CDCA2: variants seen among roughly 807,000 people sequenced by gnomAD.
CDCA2 encodes cell division cycle associated 2, also known as cell division cycle-associated protein 2.
Under a neutral mutation model 67.0 loss-of-function variants are expected in CDCA2, and 44 were observed. The observed-to-expected ratio is 0.66, with a 90% confidence interval of 0.52 to 0.84. The LOEUF (loss-of-function observed/expected upper bound fraction) is 0.84, where lower values mean the gene tolerates loss of function less well. CDCA2 is among the 40% of genes least tolerant of loss of function. The pLI is 0.00. For synonymous variants in CDCA2, 447 were observed against 418.7 expected (o/e 1.07, Z -0.82); for missense variants, 1,253 against 1,203.2 (o/e 1.04, Z -0.61).
chr8:25,476,518 G>A (rs1279669843), intron 7 of CDCA2, among the ~76,000 whole-genome samples: 1 of 151,848 alleles, frequency 6.6e-6, no homozygotes, highest in Non-Finnish European at 1.5e-5. Context: ...TCTTTCAAAA[G>A]GGTCTCAATG....
At chr8:25,466,055 C>G (rs543568737) in intron 4 of CDCA2, 120 bp from the exon 5 acceptor site, 93 of 823,110 alleles carry the variant, frequency 1.1e-4, no homozygotes, top group Non-Finnish European at 1.6e-4. Flanking sequence ...AACTCCTTAC[C>G]GCTGATCTTC....
chr8:25,487,216 C>T (rs764116725), intron 11 of CDCA2, 30 bp from the exon 12 acceptor site: 1 of 1,494,902 alleles, frequency 6.7e-7, no homozygotes, highest in Non-Finnish European at 9.3e-7. Flanking sequence ...TGGTTTCCTA[C>T]CCTGATTTAG....
chr8:25,502,396 G>C (rs1804515340), intron 13 of CDCA2, among the ~76,000 whole-genome samples: 1 of 151,946 alleles, frequency 6.6e-6, no homozygotes, highest in African/African-American at 2.4e-5. Flanking sequence ...ACGTTACTCA[G>C]AATTGAATGT....
chr8:25,489,466 T>G (rs1020727705), intron 13 of CDCA2, among the ~76,000 whole-genome samples: 37 of 152,292 alleles, frequency 2.4e-4, no homozygotes, highest in African/African-American at 7.7e-4. Context: ...CCGGATCCTT[T>G]TCCTTCCACC....
At chr8:25,481,353 A>G (rs1203087212) in intron 8 of CDCA2, among the ~76,000 whole-genome samples, 1 of 152,162 alleles carries the variant, frequency 6.6e-6, no homozygotes, top group Non-Finnish European at 1.5e-5. Context: ...TTCTAACAAT[A>G]TGACACAGCA....
At chr8:25,466,391 A>C in intron 5 of CDCA2, 66 bp downstream of exon 5, 2 of 1,424,514 alleles carry the variant, frequency 1.4e-6, no homozygotes, top group South Asian at 3.0e-5. Flanking sequence ...TGAGTTATGA[A>C]ATGATTTAGT....
In CDCA2 at chr8:25,506,525, A is replaced by G; in HGVS notation, c.1859A>G (p.Asn620Ser). Residue 620 changes from asparagine to serine, a missense_variant, in exon 15 of 15, where the codon AAT (asparagine) becomes AGT (serine). Transcript: ENST00000330560. Reference protein sequence around the residue: ...RRLGSGYFSSNGKLEEVKTPK... With the variant: ...RRLGSGYFSSSGKLEEVKTPK... ...ATGCCCATAGGTTATTTCAGTTCAA[A>G]TGGCAAACTGGAAGAAGTGAAGACT... is the stretch of plus-strand genomic sequence containing the variant. 4 of 1,572,030 alleles carry G rather than the reference A, an allele frequency of 2.5e-6. No individual in the cohort carries two copies. The highest frequency in any genetic ancestry group is 3.4e-6 in the Non-Finnish European group (4 of 1,166,402).
Position 25,462,096 on chromosome 8 carries a change from C to G in CDCA2, c.275C>G (p.Ala92Gly). 1.9e-6 allele frequency: 3 copies of G among 1,614,162 alleles called. No individual in the cohort carries two copies. In the African/African-American group the frequency reaches 4.0e-5, roughly 22 times the overall value. Reference sequence around the variant, plus strand: ...CTTAAAAAATGTAGACGACGTTCTGCAGTCGGTGCTCGGGGCTCTCCTGAA... The same window carrying G: ...CTTAAAAAATGTAGACGACGTTCTGGAGTCGGTGCTCGGGGCTCTCCTGAA... The part of the protein sequence containing the change: ...SYLKKCRRRS[A>G]VGARGSPETN... The change falls in exon 4 of 15, where the codon GCA becomes GGA. Residue 92 changes from alanine to glycine, a missense_variant. Transcript: ENST00000330560.
In CDCA2 at chr8:25,479,879, T is replaced by G. The variant is rs181590384; in HGVS notation, c.821-34T>G. The G allele has an allele frequency of 1.4e-3, 2,296 of 1,593,152 alleles. 1 individual carries two copies. The highest frequency in any genetic ancestry group is 1.8e-3 in the Non-Finnish European group (2,078 of 1,161,106). On this transcript the variant is annotated intron_variant, in intron 7 of 14. Coordinates refer to ENST00000330560, the MANE Select transcript of CDCA2 (RefSeq NM_152562.4). ...CTAGAACAAACAGATTTAAGAGATCTTCTGCCTCTCAAGTTTACATGTTTA... is the reference window on the plus strand; with the variant it reads ...CTAGAACAAACAGATTTAAGAGATCGTCTGCCTCTCAAGTTTACATGTTTA...
rs1802586526 is a variant in CDCA2 at position 25,459,475 on chromosome 8, T to C, written c.-1+2T>C. On this transcript the variant is annotated splice_donor_variant, in intron 1 of 14. Coordinates refer to ENST00000330560, the MANE Select transcript of CDCA2 (RefSeq NM_152562.4). LOFTEE classifies it low-confidence loss of function (5UTR_SPLICE). ...GGGCCTTCAGGTGCGGCGTGAGAGG[T>C]AGGATTGCATCCGCGCTGCCACGGG... The C allele has an allele frequency of 6.6e-6, 1 of 152,044 alleles. No individual in the cohort carries two copies. The highest frequency in any genetic ancestry group is 2.4e-5 in the African/African-American group (1 of 41,328). 9.4% of individuals were successfully genotyped at this position (152,044 alleles called of 1,614,324 possible).
chr8:25,492,421 G>T lies in CDCA2; in HGVS notation c.1671+3732G>T, dbSNP rs147852583. On this transcript the variant is annotated intron_variant, in intron 13 of 14. Transcript: ENST00000330560. Reference sequence around the variant, plus strand: ...AGAAGAGCAACCAGTCCAAATTTGAGCAGGGAGAAGGAGCTGGAGCTAAAA... The same window carrying T: ...AGAAGAGCAACCAGTCCAAATTTGATCAGGGAGAAGGAGCTGGAGCTAAAA... Among the ~76,000 whole-genome samples, 501 of 152,288 alleles carry T rather than the reference G, an allele frequency of 3.3e-3. 2 individuals carry two copies. Among genetic ancestry groups the T allele is most frequent in the Non-Finnish European group, 5.3e-3 (362 of 68,030 alleles).
intron 4 of CDCA2, among the ~76,000 whole-genome samples, chr8:25,464,254 A>C (rs1193844231): frequency 6.6e-6 from 1 of 152,178 alleles, no homozygotes; most frequent in Non-Finnish European, 1.5e-5. Flanking sequence ...TCTCTACAGA[A>C]AAATTTTAAA....
At chr8:25,489,380 T>C (rs1803912396) in intron 13 of CDCA2, among the ~76,000 whole-genome samples, 2 of 152,336 alleles carry the variant, frequency 1.3e-5, no homozygotes, top group Admixed American at 1.3e-4. Context: ...AGCTTTCAGA[T>C]ACACCTGAAG....
intron 13 of CDCA2, among the ~76,000 whole-genome samples, chr8:25,490,269 G>T (rs530155615): frequency 6.6e-6 from 1 of 151,786 alleles, no homozygotes; most frequent in African/African-American, 2.4e-5. Context: ...TAAAATTACG[G>T]CCAGAAAGTA....
intron 13 of CDCA2, among the ~76,000 whole-genome samples, chr8:25,495,323 A>G (rs1804171088): frequency 6.6e-6 from 1 of 152,224 alleles, no homozygotes; most frequent in Non-Finnish European, 1.5e-5. Context: ...CTAATAAGCG[A>G]AAGCAAAATT....
chr8:25,468,943 C>A (rs1442523292), intron 6 of CDCA2, among the ~76,000 whole-genome samples: 1 of 152,306 alleles, frequency 6.6e-6, no homozygotes, highest in East Asian at 1.9e-4. Context: ...TCACTTCTTT[C>A]AAGTAGCTCT....
chr8:25,483,434 T>C lies in CDCA2; in HGVS notation c.1068T>C (p.Thr356=), dbSNP rs965768961. The C allele has an allele frequency of 3.1e-6, 5 of 1,611,254 alleles. No individual in the cohort carries two copies. ...HCNNLYDDDG[T]HPSLISNLPN... ...ACAACCTCTATGATGATGATGGGAC[T>C]CATCCGAGCTTAATCTCAAATCTCC... is the stretch of plus-strand genomic sequence containing the variant. The change falls in exon 9 of 15, where the codon ACT becomes ACC. Residue 356 remains threonine, a synonymous_variant. Transcript: ENST00000330560.
At chr8:25,501,052 T>C (rs1339752194) in intron 13 of CDCA2, among the ~76,000 whole-genome samples, 1 of 152,180 alleles carries the variant, frequency 6.6e-6, no homozygotes, top group Admixed American at 6.5e-5. Context: ...AAGCCAGCAT[T>C]TCCCCAACTG....
At chr8:25,465,076 C>A (rs1486610710) in intron 4 of CDCA2, among the ~76,000 whole-genome samples, 1 of 152,130 alleles carries the variant, frequency 6.6e-6, no homozygotes, top group Non-Finnish European at 1.5e-5. Context: ...CAGGTTCAAG[C>A]GATTCTCCCA....
Sources: gnomAD v4.1 joint callset for allele counts (sites outside exome capture counted in the v4.1 genomes callset) on GRCh38, gnomAD v4.1.1 for gene constraint, MANE v1.5 for transcripts, NCBI Gene and HGNC (gene_info 2026-07-23, HGNC 2026-07-21) for gene names.